ZNF385D: variants seen among roughly 807,000 people sequenced by gnomAD.
The protein encoded by ZNF385D is zinc finger protein 659.
A neutral mutation model predicts 35.8 loss-of-function variants in ZNF385D; 15 were observed. That is an observed-to-expected ratio of 0.42 (90% CI 0.28 to 0.64). The LOEUF (loss-of-function observed/expected upper bound fraction) is 0.64, where lower values mean the gene tolerates loss of function less well. Among genes scored for constraint, ZNF385D ranks in the 30% least tolerant of loss-of-function variants. The pLI, the probability that ZNF385D is intolerant of heterozygous loss-of-function variation, is 0.23. For missense variants in ZNF385D, 474 were observed against 494.6 expected (o/e 0.96, Z 0.39); for synonymous variants, 212 against 186.8 (o/e 1.13, Z -1.10).
At chr3:21,822,344 G>T (rs1033451941) in intron 3 of ZNF385D, among the ~76,000 whole-genome samples, 12 of 152,114 alleles carry the variant, frequency 7.9e-5, no homozygotes, top group South Asian at 2.1e-4. Flanking sequence ...AGTGCTGGGA[G>T]TACAGGTGTG....
At chr3:21,857,472 G>A (rs964331079) in intron 3 of ZNF385D, among the ~76,000 whole-genome samples, 3 of 151,996 alleles carry the variant, frequency 2.0e-5, no homozygotes, top group African/African-American at 7.2e-5. Context: ...AGTACACAGG[G>A]TGTGTGGTTG....
chr3:21,908,118 A>ATATCTATCTATCTATC (rs61001621), intron 3 of ZNF385D, among the ~76,000 whole-genome samples: 5 of 135,654 alleles, frequency 3.7e-5, no homozygotes, highest in Non-Finnish European at 4.9e-5. Context: ...CTTTCTCTCT[A>ATATCTATCTATCTATC]TATCTATCTA....
At chr3:22,035,149 G>C (rs773381144) in intron 3 of ZNF385D, among the ~76,000 whole-genome samples, 1 of 152,132 alleles carries the variant, frequency 6.6e-6, no homozygotes, top group Admixed American at 6.5e-5. Context: ...AAATGTTCTG[G>C]ATGAACTGTG....
intron 2 of ZNF385D, among the ~76,000 whole-genome samples, chr3:22,321,255 G>A (rs1316802794): frequency 7.3e-6 from 1 of 137,512 alleles, no homozygotes; most frequent in Non-Finnish European, 1.5e-5. Flanking sequence ...ATCATTTTAA[G>A]TGTATTCTGT....
At position 22,132,070 on chromosome 3, in the gene ZNF385D, G is replaced by A. The variant is rs542565296; in HGVS notation, c.325+36747C>T. Among the ~76,000 whole-genome samples the A allele has an allele frequency of 4.6e-5, 7 of 152,190 alleles. No homozygotes were observed. The East Asian group carries it at 9.6e-4, about 21-fold the overall frequency. ...CATCAATTGATAAAGAGGAAAAAACGTTTAGGGTATATGCAAAGAAGTGAT... is the reference window on the plus strand; with the variant it reads ...CATCAATTGATAAAGAGGAAAAAACATTTAGGGTATATGCAAAGAAGTGAT... On this transcript the variant is annotated intron_variant, in intron 3 of 5. Transcript: ENST00000494108.
intron 2 of ZNF385D, among the ~76,000 whole-genome samples, chr3:21,594,111 C>G (rs749976250): frequency 6.6e-6 from 1 of 152,186 alleles, no homozygotes; most frequent in Non-Finnish European, 1.5e-5. Flanking sequence ...AGATAGGGCT[C>G]TTTTGCATGA....
chr3:21,909,887 A>T (rs1260071323), intron 3 of ZNF385D, among the ~76,000 whole-genome samples: 1 of 152,040 alleles, frequency 6.6e-6, no homozygotes, highest in Non-Finnish European at 1.5e-5. Context: ...GCCTAGCTTT[A>T]TGAATAATGT....
At chr3:22,342,900 A>G (rs1229756975) in intron 2 of ZNF385D, among the ~76,000 whole-genome samples, 1 of 152,184 alleles carries the variant, frequency 6.6e-6, no homozygotes, top group Non-Finnish European at 1.5e-5. Context: ...TAATAATCTA[A>G]AGCTTCTGTG....
Position 21,828,127 on chromosome 3 carries a change from T to C in ZNF385D, c.326-163099A>G, listed in dbSNP as rs532755751. On this transcript the variant is annotated intron_variant, in intron 3 of 5. Coordinates refer to the ZNF385D transcript ENST00000494108. ...TAAACCATGAATTAACAAAATGTAT[T>C]TTATGGAAGAACAAATCCACGCAGA... Among the ~76,000 whole-genome samples the C allele has an allele frequency of 3.3e-5, 5 of 152,344 alleles. No individual in the cohort carries two copies. The South Asian group carries it at 1.0e-3, about 32-fold the overall frequency.
At position 22,057,754 on chromosome 3, in the gene ZNF385D, T is replaced by G. The variant is rs544081820; in HGVS notation, c.325+111063A>C. On this transcript the variant is annotated intron_variant, in intron 3 of 5. Coordinates refer to the ZNF385D transcript ENST00000494108. ...GTCTCGAACTCCTGACCTCAGGTGA[T>G]CCACCTGCCTCGGCCTCCCAAAGTG... Among the ~76,000 whole-genome samples the G allele has an allele frequency of 2.0e-5, 3 of 152,260 alleles. No individual in the cohort carries two copies. The South Asian group carries it at 6.2e-4, about 32-fold the overall frequency.
At chr3:22,131,108 A>G (rs1370319060) in intron 3 of ZNF385D, among the ~76,000 whole-genome samples, 1 of 152,206 alleles carries the variant, frequency 6.6e-6, no homozygotes. Flanking sequence ...ATGTTTGGAT[A>G]AAATGTATAA....
chr3:21,873,358 A>G (rs556233377), intron 3 of ZNF385D, among the ~76,000 whole-genome samples: 2 of 152,138 alleles, frequency 1.3e-5, no homozygotes, highest in African/African-American at 2.4e-5. Context: ...TAAATGGATT[A>G]TCCAAAGGCA....
chr3:21,819,618 G>T (rs1190903443), intron 3 of ZNF385D, among the ~76,000 whole-genome samples: 1 of 142,478 alleles, frequency 7.0e-6, no homozygotes, highest in Non-Finnish European at 1.5e-5. Context: ...TGTTATATAT[G>T]TATGTATTAT....
intron 1 of ZNF385D, among the ~76,000 whole-genome samples, chr3:21,741,805 G>A (rs1238347556): frequency 6.6e-6 from 1 of 152,048 alleles, no homozygotes; most frequent in Non-Finnish European, 1.5e-5. Context: ...GTCTTGCAGG[G>A]GAAAGAGTAT....
chr3:22,269,078 G>A (rs145814137), intron 2 of ZNF385D, among the ~76,000 whole-genome samples: 48 of 152,000 alleles, frequency 3.2e-4, no homozygotes, highest in African/African-American at 1.1e-3. Context: ...CTTGTCATCA[G>A]TAAATAAACA....
chr3:22,090,892 A>T (rs867803371), intron 3 of ZNF385D, among the ~76,000 whole-genome samples: 36 of 152,308 alleles, frequency 2.4e-4, no homozygotes, highest in African/African-American at 7.7e-4. Flanking sequence ...ATGCCTTGTT[A>T]GGGTCTTATG....
At position 21,418,488 on chromosome 3, in the gene ZNF385D, A is replaced by G. The variant is rs1269413396; in HGVS notation, c.*2726T>C. ...AAGACAACTGATGCTTACAACTCCAATTTAAAAGACCATTTAAACAAAAAT... is the reference window on the plus strand; with the variant it reads ...AAGACAACTGATGCTTACAACTCCAGTTTAAAAGACCATTTAAACAAAAAT... On this transcript the variant is annotated 3_prime_UTR_variant, in exon 8 of 8. Transcript: ENST00000281523. 6.6e-6 allele frequency: 1 copy of G among 152,152 alleles called. No individual in the cohort carries two copies. Among genetic ancestry groups the G allele is most frequent in the Non-Finnish European group, 1.5e-5 (1 of 67,998 alleles). 9.4% of individuals were successfully genotyped at this position (152,152 alleles called of 1,614,324 possible).
chr3:21,819,356 C>G (rs142691978), intron 3 of ZNF385D, among the ~76,000 whole-genome samples: 72 of 151,520 alleles, frequency 4.8e-4, no homozygotes, highest in African/African-American at 1.7e-3. Flanking sequence ...GTTATATGCT[C>G]TTTGCCAGAA....
chr3:22,029,604 T>C (rs992184498), intron 3 of ZNF385D, among the ~76,000 whole-genome samples: 11 of 152,220 alleles, frequency 7.2e-5, no homozygotes, highest in African/African-American at 2.7e-4. Context: ...TAAAAACATG[T>C]TTGTGCATAT....
Sources: gnomAD v4.1 joint callset for allele counts (sites outside exome capture counted in the v4.1 genomes callset) on GRCh38, gnomAD v4.1.1 for gene constraint, MANE v1.5 for transcripts, NCBI Gene and HGNC (gene_info 2026-07-23, HGNC 2026-07-21) for gene names.